The following KIF1C variants were observed in gnomAD, a reference collection of about 807,000 sequenced individuals.
KIF1C encodes the protein kinesin family member 1C.
A neutral mutation model predicts 126.5 loss-of-function variants in KIF1C; 61 were observed. The ratio of observed to expected loss-of-function variants is 0.48; its 90% CI spans 0.39 to 0.60. The LOEUF is 0.60. Among genes scored for constraint, KIF1C ranks in the 20% least tolerant of loss-of-function variants. The probability of loss-of-function intolerance (pLI) is 0.00; values close to 1 mark genes in which losing one functional copy is unlikely to be tolerated. For missense variants in KIF1C, 1,315 were observed against 1,489.2 expected (o/e 0.88, Z 1.93); for synonymous variants, 640 against 580.6 (o/e 1.10, Z -1.47).
At chr17:5,009,756 C>G (rs1242547578) in intron 16 of KIF1C, among the ~76,000 whole-genome samples, 1 of 149,110 alleles carries the variant, frequency 6.7e-6, no homozygotes, top group Non-Finnish European at 1.5e-5. Context: ...CCACTGCACT[C>G]CAGCCTGGGT....
At chr17:5,017,775 T>A (rs1975006352) in intron 18 of KIF1C, among the ~76,000 whole-genome samples, 1 of 151,428 alleles carries the variant, frequency 6.6e-6, no homozygotes, top group Non-Finnish European at 1.5e-5. Context: ...TCTCGGGGGT[T>A]AGGTGATTTG....
At chr17:5,015,158 C>T (rs753165529) in intron 18 of KIF1C, among the ~76,000 whole-genome samples, 1 of 152,200 alleles carries the variant, frequency 6.6e-6, no homozygotes, top group Non-Finnish European at 1.5e-5. Context: ...TGATCTTGTT[C>T]ACCACAACTA....
rs777318222 is a variant in KIF1C at position 5,007,071 on chromosome 17, T to G, written c.1322T>G (p.Met441Arg). The G allele has an allele frequency of 1.3e-6, 2 of 1,591,782 alleles. No homozygotes were observed. Among genetic ancestry groups the G allele is most frequent in the East Asian group, 2.2e-5 (1 of 44,704 alleles). ...TCCCAGATTGGGCCTGAGGAAGCCA[T>G]GGAGAGGCTGCAGGTGGGAAGCTGG... is the stretch of plus-strand genomic sequence containing the variant. ...TESQIGPEEA[M>R]ERLQETEKII... is the part of the protein sequence containing the mutation. Residue 441 changes from methionine to arginine, a missense_variant, in exon 14 of 23, where the codon ATG becomes AGG. Met to Arg is a moderately conservative substitution (Grantham distance 91, BLOSUM62 -1). Coordinates refer to ENST00000320785, the MANE Select transcript of KIF1C (RefSeq NM_006612.6).
Position 5,003,038 on chromosome 17 carries a change from C to CT in KIF1C, c.720+212dup, listed in dbSNP as rs576354046. The stretch of plus-strand genomic sequence containing the variant: ...CTGTCCCCCTCTACTGTTTGCTTGT[C>CT]TTTTTTTTTTTTTTTTAAGACAGAG... On this transcript the variant is annotated intron_variant, in intron 8 of 22. Coordinates refer to ENST00000320785, the MANE Select transcript of KIF1C (RefSeq NM_006612.6). 0.057 allele frequency among the ~76,000 whole-genome samples: 7,936 copies of CT among 140,284 alleles called. 274 individuals are homozygous for CT. Among genetic ancestry groups the CT allele is most frequent in the East Asian group, 0.2 (948 of 4,786 alleles). 92.0% of individuals were successfully genotyped at this position (140,284 alleles called of 152,430 possible). A position where few individuals can be genotyped will look rare whatever the true frequency, so the allele number is the denominator to read the frequency against.
Position 5,023,649 on chromosome 17 carries a change from G to C in KIF1C, c.2810G>C (p.Gly937Ala). 1.9e-6 allele frequency: 3 copies of C among 1,612,714 alleles called. No individual in the cohort carries two copies. The highest frequency in any genetic ancestry group is 2.5e-6 in the Non-Finnish European group (3 of 1,179,402). The change falls in exon 23 of 23, where the codon GGT becomes GCT. Residue 937 changes from glycine (G) to alanine (A), a missense_variant. Physicochemically the swap from Gly to Ala is moderately conservative, Grantham distance 60. Transcript: ENST00000320785. This position sits in a 1 kb window ranked among gnomAD's most constrained non-coding sequence, Gnocchi z 4.2. ...LMEEDPAFRRGRLRWLKQEQL... is the reference protein window; with the variant it reads ...LMEEDPAFRRARLRWLKQEQL... Reference sequence around the variant, plus strand: ...GAGGAGGACCCTGCCTTCCGTCGTGGTCGTCTTCGCTGGCTCAAGCAGGAG... The same window carrying C: ...GAGGAGGACCCTGCCTTCCGTCGTGCTCGTCTTCGCTGGCTCAAGCAGGAG...
At chr17:5,021,109 C>T (rs1369520967) in intron 21 of KIF1C, among the ~76,000 whole-genome samples, 1 of 151,328 alleles carries the variant, frequency 6.6e-6, no homozygotes, top group Non-Finnish European at 1.5e-5. Context: ...GTTTCTCGTG[C>T]CAAGTTTATG....
In KIF1C at chr17:5,025,284, C is replaced by T. The variant is rs1168066903; in HGVS notation, c.*1133C>T. On this transcript the variant is annotated 3_prime_UTR_variant, in exon 23 of 23. Transcript: ENST00000320785. ...GATGCGAGGGGAGGTAGAGGGACCG[C>T]CAGCCTGTCAATGCTTAACTGGCTG... 1 of 152,300 alleles carries T rather than the reference C, an allele frequency of 6.6e-6. No individual in the cohort carries two copies. Among genetic ancestry groups the T allele is most frequent in the East Asian group, 1.9e-4 (1 of 5,200 alleles). The allele number at this position is 152,300 out of a possible 1,614,324, so 9.4% of individuals were successfully genotyped here. A position where few individuals can be genotyped will look rare whatever the true frequency, so the allele number is the denominator to read the frequency against.
At position 5,007,095 on chromosome 17, in the gene KIF1C, G is replaced by A; in HGVS notation, c.1335+11G>A. Reference sequence around the variant, plus strand: ...ATGGAGAGGCTGCAGGTGGGAAGCTGGAGCTGGCAAGGGCTGGGGGTCTGG... The same window carrying A: ...ATGGAGAGGCTGCAGGTGGGAAGCTAGAGCTGGCAAGGGCTGGGGGTCTGG... On this transcript the variant is annotated intron_variant, in intron 14 of 22. Transcript: ENST00000320785. 3.2e-6 allele frequency: 5 copies of A among 1,582,656 alleles called. No homozygotes were observed. Among genetic ancestry groups the A allele is most frequent in the Non-Finnish European group, 3.4e-6 (4 of 1,167,368 alleles).
At chr17:5,006,868 C>T in intron 13 of KIF1C, 47 bp from the exon 14 acceptor site, 1 of 1,595,140 alleles carries the variant, frequency 6.3e-7, no homozygotes, top group Admixed American at 1.7e-5. Flanking sequence ...CTCTCATCAG[C>T]TCCTTCTTTC....
chr17:5,020,637 G>A lies in KIF1C; in HGVS notation c.1896G>A (p.Leu632=). Residue 632 remains leucine (L), a synonymous_variant, in exon 20 of 23, where the codon CTG becomes CTA. Transcript: ENST00000320785. This position sits in a 1 kb window ranked among gnomAD's most constrained non-coding sequence, Gnocchi z 5.8. ...VDWNFAQKEL[L]EQQGIDIKLE... ...GGAACTTTGCCCAGAAGGAACTGCT[G>A]GAGCAGCAAGGCATCGACATAAAGC... 1.2e-6 allele frequency: 2 copies of A among 1,614,208 alleles called. No homozygotes were observed. The highest frequency in any genetic ancestry group is 1.7e-6 in the Non-Finnish European group (2 of 1,180,006).
chr17:5,015,582 C>CTTTTTT (rs58961639), intron 18 of KIF1C, among the ~76,000 whole-genome samples: 1,725 of 71,182 alleles, frequency 0.024, 115 homozygotes, highest in East Asian at 0.075. Context: ...CTGCCCCCAG[C>CTTTTTT]TTTTTTTTTT....
chr17:5,012,460 G>A (rs540717462), intron 16 of KIF1C, among the ~76,000 whole-genome samples: 41 of 152,268 alleles, frequency 2.7e-4, no homozygotes, highest in African/African-American at 9.6e-4. Context: ...GGTCCGCTGA[G>A]TGGAAGTACA....
In KIF1C at chr17:5,000,341, G is replaced by A; in HGVS notation, c.95G>A (p.Gly32Asp). Reference sequence around the variant, plus strand: ...GCCAAGTGTGTGGTCAGCATGCAGGGCAACACCACCTGTGAGTGAGTCCCC... The same window carrying A: ...GCCAAGTGTGTGGTCAGCATGCAGGACAACACCACCTGTGAGTGAGTCCCC... ...QDAKCVVSMQ[G>D]NTTSIINPKQ... Residue 32 changes from glycine to aspartate, a missense_variant, in exon 3 of 23, where the codon GGC (glycine) becomes GAC (aspartate). Around this residue, in one of 2 missense-constraint regions of KIF1C, gnomAD observed 874 missense variants for 1,053.2 expected, o/e 0.83. Coordinates refer to ENST00000320785, the MANE Select transcript of KIF1C (RefSeq NM_006612.6). 1 of 1,584,350 alleles carries A rather than the reference G, an allele frequency of 6.3e-7. No individual in the cohort carries two copies. Among genetic ancestry groups the A allele is most frequent in the Non-Finnish European group, 8.6e-7 (1 of 1,166,272 alleles).
rs1004466639 is a variant in KIF1C at position 5,013,753 on chromosome 17, T to TG, written c.1571+27dup. The stretch of plus-strand genomic sequence containing the variant: ...ACCAGGTAGCGTGTACCCAGCGGCC[T>TG]GGGGGGCAGCCTCTGCTTTTGGGGT... On this transcript the variant is annotated intron_variant, in intron 17 of 22. Transcript: ENST00000320785. 11 of 1,601,294 alleles carry TG rather than the reference T, an allele frequency of 6.9e-6. No individual in the cohort carries two copies. The African/African-American group carries it at 1.5e-4, about 21-fold the overall frequency.
chr17:5,003,801 TCA>T lies in KIF1C; in HGVS notation c.799-47_799-46del, dbSNP rs770741998. 1.9e-6 allele frequency: 3 copies of T among 1,580,942 alleles called. No homozygotes were observed. The South Asian group carries it at 3.3e-5, about 17-fold the overall frequency. Reference sequence around the variant, plus strand: ...TGGGGAGGTAGGAAGCGGAAGTGGATCACATTGGGAGAAGAGGGTCTCATCCC... The same window carrying T: ...TGGGGAGGTAGGAAGCGGAAGTGGATCATTGGGAGAAGAGGGTCTCATCCC... On this transcript the variant is annotated intron_variant, in intron 9 of 22. Transcript: ENST00000320785.
chr17:5,002,147 G>A, intron 6 of KIF1C, 23 bp downstream of exon 6: 3 of 1,606,146 alleles, frequency 1.9e-6, no homozygotes, highest in Non-Finnish European at 2.6e-6. Flanking sequence ...CTTGGTGGCA[G>A]GGCTGAGAGG....
chr17:5,019,741 G>GGA (rs1975049184), intron 18 of KIF1C: 1 of 520,680 alleles, frequency 1.9e-6, no homozygotes, highest in Admixed American at 3.3e-5. Context: ...CTGCTGCTGG[G>GGA]GAGGATAGAG....
At chr17:5,005,153 A>C (rs2143325633) in intron 13 of KIF1C, among the ~76,000 whole-genome samples, 153 bp downstream of exon 13, 1 of 152,342 alleles carries the variant, frequency 6.6e-6, no homozygotes, top group South Asian at 2.1e-4. Context: ...TGGAGAGGGA[A>C]CGTATGTCTT....
At chr17:5,021,471 C>T (rs1041977035) in intron 21 of KIF1C, among the ~76,000 whole-genome samples, 20 of 151,552 alleles carry the variant, frequency 1.3e-4, no homozygotes, top group Non-Finnish European at 2.4e-4. Context: ...CCACCGCACC[C>T]GGCCATGGAC....
Sources: allele counts gnomAD v4.1 joint callset (sites outside exome capture counted in the v4.1 genomes callset), GRCh38; gene constraint gnomAD v4.1.1; regional missense constraint gnomAD v4.1.1; non-coding constraint Gnocchi (gnomAD v3.1); transcripts MANE v1.5; gene names NCBI Gene and HGNC (gene_info 2026-07-23, HGNC 2026-07-21).